Variants in PLD5 observed in about 807,000 individuals in gnomAD.
PLD5 encodes the protein phospholipase D family member 5, also known as inactive phospholipase D5.
PLD5 carries 36 observed loss-of-function variants against 61.1 expected under a neutral mutation model. The observed-to-expected ratio is 0.59, with a 90% confidence interval of 0.45 to 0.78. The LOEUF is 0.78. Ranked by LOEUF, PLD5 falls within the 30% of genes least tolerant of loss-of-function variation. The pLI, the probability that PLD5 is intolerant of heterozygous loss-of-function variation, is 0.00. For missense variants in PLD5, 515 were observed against 644.4 expected (o/e 0.80, Z 2.17); for synonymous variants, 243 against 242.8 (o/e 1.00, Z -0.01).
intron 9 of PLD5, among the ~76,000 whole-genome samples, chr1:242,097,438 C>T (rs1335476997): frequency 6.6e-6 from 1 of 152,122 alleles, no homozygotes; most frequent in Non-Finnish European, 1.5e-5. Context: ...TAATGATTGC[C>T]ATTCTAACTG....
intron 5 of PLD5, among the ~76,000 whole-genome samples, chr1:242,144,406 G>A (rs1664402791): frequency 6.6e-6 from 1 of 152,152 alleles, no homozygotes. Context: ...GCAGAGTGTG[G>A]AAGAGATAAT....
intron 1 of PLD5, among the ~76,000 whole-genome samples, chr1:242,389,898 C>T (rs1055716730): frequency 6.6e-6 from 1 of 152,018 alleles, no homozygotes; most frequent in Non-Finnish European, 1.5e-5. Flanking sequence ...GCCATATAAT[C>T]TCACCCGTAA....
At chr1:242,498,690 C>T (rs1382861609) in intron 1 of PLD5, among the ~76,000 whole-genome samples, 1 of 152,166 alleles carries the variant, frequency 6.6e-6, no homozygotes, top group Non-Finnish European at 1.5e-5. Flanking sequence ...ATGTTCCTAA[C>T]TAAAATGGCT....
chr1:242,290,509 G>C (rs1675295102), intron 2 of PLD5, among the ~76,000 whole-genome samples: 1 of 152,122 alleles, frequency 6.6e-6, no homozygotes, highest in African/African-American at 2.4e-5. Flanking sequence ...AGGGAGAAGA[G>C]TTTGGACTTA....
intron 1 of PLD5, among the ~76,000 whole-genome samples, chr1:242,404,129 G>T (rs759099698): frequency 5.3e-5 from 8 of 152,140 alleles, no homozygotes; most frequent in Non-Finnish European, 8.8e-5. Context: ...AGAGAGGAGA[G>T]GGACAGGAAA....
chr1:242,196,856 C>T (rs913546607), intron 5 of PLD5, among the ~76,000 whole-genome samples: 7 of 152,198 alleles, frequency 4.6e-5, no homozygotes, highest in African/African-American at 1.4e-4. Flanking sequence ...TCTGTATACA[C>T]GCACATCTGT....
intron 6 of PLD5, among the ~76,000 whole-genome samples, chr1:242,119,813 AT>A (rs2148720470): frequency 6.6e-6 from 1 of 152,290 alleles, no homozygotes; most frequent in African/African-American, 2.4e-5. Context: ...TATCCAGTAA[AT>A]CCACTCCTAT....
At chr1:242,488,053 C>G (rs1668022073) in intron 1 of PLD5, among the ~76,000 whole-genome samples, 1 of 152,042 alleles carries the variant, frequency 6.6e-6, no homozygotes, top group Admixed American at 6.6e-5. Context: ...GGCGGAGATC[C>G]AAAACACTGA....
chr1:242,362,474 T>C (rs1436516281), intron 1 of PLD5, among the ~76,000 whole-genome samples: 1 of 152,214 alleles, frequency 6.6e-6, no homozygotes, highest in African/African-American at 2.4e-5. Flanking sequence ...TCTATTAGTG[T>C]AGAAACTAAG....
At chr1:242,246,220 G>A (rs980777521) in intron 4 of PLD5, among the ~76,000 whole-genome samples, 1 of 151,950 alleles carries the variant, frequency 6.6e-6, no homozygotes, top group Non-Finnish European at 1.5e-5. Flanking sequence ...AAAATACTTA[G>A]CCAAGCATGA....
At chr1:242,346,254 A>C (rs1428340039) in intron 2 of PLD5, among the ~76,000 whole-genome samples, 1 of 151,888 alleles carries the variant, frequency 6.6e-6, no homozygotes, top group Non-Finnish European at 1.5e-5. Context: ...AATTAAAGCA[A>C]ATTTTAGCTT....
intron 1 of PLD5, among the ~76,000 whole-genome samples, chr1:242,456,604 C>T (rs1393216796): frequency 2.0e-5 from 3 of 152,178 alleles, no homozygotes; most frequent in African/African-American, 7.2e-5. Flanking sequence ...TGATATTAGG[C>T]ATTATAAAAG....
upstream of PLD5, among the ~76,000 whole-genome samples, chr1:242,525,119 C>G (rs553352063): frequency 7.9e-5 from 12 of 152,250 alleles, no homozygotes; most frequent in South Asian, 2.3e-3. Context: ...CTTCCCACCC[C>G]AAGGGACTTA....
chr1:242,523,279 G>A (rs1388388822), intron 1 of PLD5, among the ~76,000 whole-genome samples: 1 of 151,926 alleles, frequency 6.6e-6, no homozygotes, highest in Non-Finnish European at 1.5e-5. Flanking sequence ...TTTAACATTT[G>A]GTTTAAGAAG....
At chr1:242,381,599 C>T (rs1016193502) in intron 1 of PLD5, among the ~76,000 whole-genome samples, 1 of 152,176 alleles carries the variant, frequency 6.6e-6, no homozygotes, top group African/African-American at 2.4e-5. Context: ...ATCTCAAATT[C>T]CAGTTCACAT....
rs1659398580 is a variant in PLD5 at position 242,085,291 on chromosome 1, C to T, written c.*4563G>A. On this transcript the variant is annotated 3_prime_UTR_variant, in exon 10 of 10. Transcript: ENST00000536534. ...TTAATGACCAGTGAAGTTTTAGAAC[C>T]TTGTAAATACAAGACTGCTAATGGG... The T allele has an allele frequency of 6.6e-6, 1 of 151,860 alleles. No homozygotes were observed. The highest frequency in any genetic ancestry group is 2.4e-5 in the African/African-American group (1 of 41,316). 9.4% of individuals were successfully genotyped at this position (151,860 alleles called of 1,614,324 possible). A position where few individuals can be genotyped will look rare whatever the true frequency, so the allele number is the denominator to read the frequency against.
At chr1:242,253,597 G>A (rs1439906700) in intron 4 of PLD5, among the ~76,000 whole-genome samples, 1 of 152,126 alleles carries the variant, frequency 6.6e-6, no homozygotes, top group Admixed American at 6.5e-5. Context: ...ACAGGCGTGA[G>A]CCACCGCGCC....
chr1:242,172,795 C>T (rs186254527), intron 5 of PLD5, among the ~76,000 whole-genome samples: 470 of 152,218 alleles, frequency 3.1e-3, no homozygotes, highest in Non-Finnish European at 5.0e-3. Context: ...GGATAAATTC[C>T]TGGACACATA....
At chr1:242,137,557 A>G (rs1319249251) in intron 5 of PLD5, among the ~76,000 whole-genome samples, 2 of 152,166 alleles carry the variant, frequency 1.3e-5, no homozygotes, top group African/African-American at 2.4e-5. Flanking sequence ...TGGGGTGGAA[A>G]TGTTTCCAGC....
Sources: gnomAD v4.1 joint callset for allele counts (sites outside exome capture counted in the v4.1 genomes callset) on GRCh38, gnomAD v4.1.1 for gene constraint, MANE v1.5 for transcripts, NCBI Gene and HGNC (gene_info 2026-07-23, HGNC 2026-07-21) for gene names.